DPP6: variants seen among roughly 807,000 people sequenced by gnomAD.
The protein encoded by DPP6 is dipeptidyl peptidase like 6.
In DPP6, 69 loss-of-function variants were observed where a neutral mutation model predicts 122.6. The observed-to-expected ratio is 0.56, with a 90% CI of 0.46 to 0.69. The LOEUF (loss-of-function observed/expected upper bound fraction) is 0.69, where lower values mean the gene tolerates loss of function less well. Among genes scored for constraint, DPP6 ranks in the 30% least tolerant of loss-of-function variants. The pLI, the probability that DPP6 is intolerant of heterozygous loss-of-function variation, is 0.00. For missense variants in DPP6, 928 were observed against 1,116.9 expected, an observed-to-expected ratio of 0.83 and a Z score of 2.41; for synonymous variants, 418 against 433.1, an observed-to-expected ratio of 0.97 and a Z score of 0.43.
intron 5 of DPP6, among the ~76,000 whole-genome samples, chr7:154,578,497 C>T (rs1320597778): frequency 4.5e-3 from 6 of 1,328 alleles, no homozygotes; most frequent in Non-Finnish European, 9.6e-3. Context: ...TAAGCAGGGG[C>T]TATTCGGGCT....
intron 1 of DPP6, among the ~76,000 whole-genome samples, chr7:154,352,766 A>G (rs1163030661): frequency 6.6e-6 from 1 of 152,192 alleles, no homozygotes; most frequent in African/African-American, 2.4e-5. Context: ...CAGGTGCAGC[A>G]AACCACCGTG....
chr7:154,673,501 G>T (rs1190215665), intron 7 of DPP6, among the ~76,000 whole-genome samples: 2 of 152,278 alleles, frequency 1.3e-5, no homozygotes, highest in East Asian at 3.9e-4. Context: ...GACTGCAGGG[G>T]GAGTGGCCTG....
At chr7:154,823,017 G>T (rs1799902725) in intron 16 of DPP6, among the ~76,000 whole-genome samples, 1 of 152,058 alleles carries the variant, frequency 6.6e-6, no homozygotes, top group Non-Finnish European at 1.5e-5. Flanking sequence ...TATACTTTGG[G>T]GCCAATGCAG....
At chr7:153,798,555 T>C in the DPP6 span, among the ~76,000 whole-genome samples, 1 of 152,122 alleles carries the variant, frequency 6.6e-6, no homozygotes, top group South Asian at 2.1e-4. Flanking sequence ...AGTAAAATTG[T>C]GTTCCTTAAG....
At chr7:153,939,265 AAC>A (rs1375857668) in intron 1 of DPP6, among the ~76,000 whole-genome samples, 3 of 152,248 alleles carry the variant, frequency 2.0e-5, no homozygotes, top group Non-Finnish European at 2.9e-5. Context: ...TGTTCTAGAT[AAC>A]ACACAGTCTA....
At chr7:153,769,549 G>C in the DPP6 span, among the ~76,000 whole-genome samples, 2 of 152,182 alleles carry the variant, frequency 1.3e-5, no homozygotes, top group Admixed American at 1.3e-4. Flanking sequence ...AGACAGTAGG[G>C]AGCTGGCCAT....
chr7:154,395,630 T>C (rs1184445362), intron 1 of DPP6, among the ~76,000 whole-genome samples: 1 of 152,208 alleles, frequency 6.6e-6, no homozygotes, highest in African/African-American at 2.4e-5. Context: ...ACTGATTAGT[T>C]TTAACAGGAT....
At chr7:153,866,610 T>A in the DPP6 span, among the ~76,000 whole-genome samples, 1 of 152,218 alleles carries the variant, frequency 6.6e-6, no homozygotes, top group Non-Finnish European at 1.5e-5. Context: ...GCCTGTTCGC[T>A]CTGATGGTAG....
intron 1 of DPP6, among the ~76,000 whole-genome samples, chr7:154,165,362 T>A (rs1362606201): frequency 1.4e-5 from 2 of 143,220 alleles, no homozygotes; most frequent in African/African-American, 5.9e-5. Flanking sequence ...CCGCATAGTA[T>A]TCCATGGTGT....
At chr7:153,907,463 T>A (rs1799898463) in intron 1 of DPP6, among the ~76,000 whole-genome samples, 1 of 152,252 alleles carries the variant, frequency 6.6e-6, no homozygotes, top group African/African-American at 2.4e-5. Context: ...AATGATATTA[T>A]CTAATCTAGG....
chr7:154,455,970 T>G (rs1479019096), intron 2 of DPP6, among the ~76,000 whole-genome samples: 1 of 152,148 alleles, frequency 6.6e-6, no homozygotes, highest in East Asian at 1.9e-4. Context: ...AAGGACCATA[T>G]TTTTACAAGC....
chr7:154,140,807 C>G (rs1015379108), intron 1 of DPP6, among the ~76,000 whole-genome samples: 11 of 152,132 alleles, frequency 7.2e-5, no homozygotes, highest in Non-Finnish European at 4.4e-5. Context: ...TGCCTCAAAA[C>G]CTTTTTGGAA....
chr7:153,798,042 C>T, the DPP6 span, among the ~76,000 whole-genome samples: 314 of 152,222 alleles, frequency 2.1e-3, no homozygotes, highest in African/African-American at 7.3e-3. Context: ...CGGGGTTTCA[C>T]CATGTTAGCC....
At chr7:153,793,130 T>G in the DPP6 span, among the ~76,000 whole-genome samples, 1 of 152,154 alleles carries the variant, frequency 6.6e-6, no homozygotes, top group South Asian at 2.1e-4. Context: ...AAAAGATACC[T>G]GAAAATGTGG....
At chr7:154,404,994 T>C (rs542257764) in intron 1 of DPP6, among the ~76,000 whole-genome samples, 1 of 152,380 alleles carries the variant, frequency 6.6e-6, no homozygotes, top group African/African-American at 2.4e-5. Context: ...ATGTGTTTTG[T>C]GCCTATGTGT....
the DPP6 span, among the ~76,000 whole-genome samples, chr7:153,803,561 G>A: frequency 2.6e-5 from 4 of 151,928 alleles, no homozygotes; most frequent in East Asian, 7.7e-4. Context: ...GACTCATACG[G>A]AATTATATCA....
intron 3 of DPP6, among the ~76,000 whole-genome samples, chr7:154,491,581 C>G (rs182545186): frequency 2.0e-5 from 3 of 152,350 alleles, no homozygotes; most frequent in Non-Finnish European, 2.9e-5. Context: ...CCTCCTCCCT[C>G]TTTTGAATCA....
chr7:154,178,517 GAAAA>G lies in DPP6; in HGVS notation c.243+125463_243+125466del, dbSNP rs58383279. ...GGGGATTCTTGGAAAAAAAAATCCTGAAAAAAAAAAAACAATTCTAGTTTAGGAT... is the reference window on the plus strand; with the variant it reads ...GGGGATTCTTGGAAAAAAAAATCCTGAAAAAAAACAATTCTAGTTTAGGAT... On this transcript the variant is annotated intron_variant, in intron 1 of 25. Coordinates refer to ENST00000377770, the MANE Select transcript of DPP6 (RefSeq NM_130797.4). 4.3e-5 allele frequency among the ~76,000 whole-genome samples: 6 copies of G among 139,930 alleles called. No homozygotes were observed. The South Asian group carries it at 1.4e-3, about 33-fold the overall frequency. 91.8% of individuals were successfully genotyped at this position (139,930 alleles called of 152,430 possible). A position where few individuals can be genotyped will look rare whatever the true frequency, so the allele number is the denominator to read the frequency against.
chr7:153,936,650 CA>C (rs371398350), intron 1 of DPP6, among the ~76,000 whole-genome samples: 30,726 of 146,068 alleles, frequency 0.21, 3,342 homozygotes, highest in Middle Eastern at 0.31. Flanking sequence ...ACTAAAAATA[CA>C]AAAAAAAAAA....
Sources: gnomAD v4.1 joint callset for allele counts (sites outside exome capture counted in the v4.1 genomes callset) on GRCh38, gnomAD v4.1.1 for gene constraint, MANE v1.5 for transcripts, NCBI Gene and HGNC (gene_info 2026-07-23, HGNC 2026-07-21) for gene names.